Variants in ATG7 observed in about 807,000 individuals in gnomAD.
ATG7 encodes the protein ubiquitin-like modifier-activating enzyme ATG7.
In ATG7, 70 loss-of-function variants were observed where a neutral mutation model predicts 82.4. The observed-to-expected ratio is 0.85, with a 90% CI of 0.70 to 1.04. The LOEUF (loss-of-function observed/expected upper bound fraction) is 1.04. Ranked by LOEUF, ATG7 falls within the 50% of genes least tolerant of loss-of-function variation. The pLI is 0.00. For missense variants in ATG7, 792 were observed against 864.3 expected (o/e 0.92, Z 1.05); for synonymous variants, 287 against 313.0 (o/e 0.92, Z 0.88).
intron 20 of ATG7, chr3:11,488,508 G>A (rs575764017): frequency 1.8e-5 from 22 of 1,230,616 alleles, no homozygotes; most frequent in South Asian, 2.2e-5. Flanking sequence ...TCAGCGCCGC[G>A]ACTGTCCCGG....
chr3:11,360,581 C>T lies in ATG7; in HGVS notation c.1480C>T (p.Leu494=). ...CTCTTTCATTCCTTGAAACCTGCAG[C>T]TGGTCATCAATGCTGCTTTGGGATT... ...PAVIAASKRK[L]VINAALGFDT... Residue 494 remains leucine, a splice_region_variant and synonymous_variant, in exon 16 of 21, where the codon CTG becomes TTG. Coordinates refer to ENST00000693202, the MANE Select transcript of ATG7 (RefSeq NM_001349232.2). The T allele has an allele frequency of 6.2e-7, 1 of 1,612,434 alleles. No homozygotes were observed. The highest frequency in any genetic ancestry group is 8.5e-7 in the Non-Finnish European group (1 of 1,179,192).
chr3:11,497,599 AT>A (rs1263876055), intron 20 of ATG7, among the ~76,000 whole-genome samples: 2 of 148,916 alleles, frequency 1.3e-5, no homozygotes, highest in Non-Finnish European at 3.0e-5. Flanking sequence ...TCTTTACCCT[AT>A]CTCACTTGGA....
chr3:11,299,442 G>T, intron 5 of ATG7, 26 bp downstream of exon 5: 1 of 1,585,548 alleles, frequency 6.3e-7, no homozygotes. Context: ...TTCAAAATCT[G>T]AAGTAAAGAA....
chr3:11,448,297 T>C (rs1309780219), intron 20 of ATG7, among the ~76,000 whole-genome samples: 1 of 152,204 alleles, frequency 6.6e-6, no homozygotes, highest in Non-Finnish European at 1.5e-5. Context: ...CTTTTCCTCC[T>C]TCCAGGCTCC....
chr3:11,390,495 A>G (rs1422297358), intron 19 of ATG7, among the ~76,000 whole-genome samples: 2 of 152,240 alleles, frequency 1.3e-5, no homozygotes, highest in Non-Finnish European at 2.9e-5. Flanking sequence ...ACTCAGCAGA[A>G]GGACTGCAGT....
rs538582397 is a variant in ATG7 at position 11,540,512 on chromosome 3, G to A, written c.2080-14299G>A. Among the ~76,000 whole-genome samples, 15 of 152,120 alleles carry A rather than the reference G, an allele frequency of 9.9e-5. 1 individual carries two copies. Among genetic ancestry groups the A allele is most frequent in the East Asian group, 5.8e-4 (3 of 5,170 alleles). On this transcript the variant is annotated intron_variant, in intron 20 of 20. Coordinates refer to ENST00000693202, the MANE Select transcript of ATG7 (RefSeq NM_001349232.2). ...ATAAATTCACTGGGCATGGTGGTGC[G>A]CACCTGTGGTCCCAGCTACTCAGGA...
intron 18 of ATG7, among the ~76,000 whole-genome samples, chr3:11,367,778 GTC>G (rs1459940211): frequency 2.8e-5 from 4 of 142,480 alleles, no homozygotes; most frequent in Non-Finnish European, 6.1e-5. Context: ...TTTTTTTTAA[GTC>G]TCTGGCCCAA....
intron 3 of ATG7, among the ~76,000 whole-genome samples, chr3:11,284,849 C>CT (rs34240225): frequency 0.22 from 24,502 of 113,696 alleles, 2,560 homozygotes; most frequent in Middle Eastern, 0.35. Context: ...TGTGCCTGGC[C>CT]TTTTTTTTTT....
Position 11,380,072 on chromosome 3 carries a change from A to G in ATG7, c.1956+20A>G. ...TCCAAAGTAAGTCATTTTGTATTGGAGGGACTTGTTTTTAAAAGTGAGCGG... is the reference window on the plus strand; with the variant it reads ...TCCAAAGTAAGTCATTTTGTATTGGGGGGACTTGTTTTTAAAAGTGAGCGG... On this transcript the variant is annotated intron_variant, in intron 19 of 20. Transcript: ENST00000693202. 5.0e-6 allele frequency: 8 copies of G among 1,609,820 alleles called. No homozygotes were observed. The highest frequency in any genetic ancestry group is 4.5e-5 in the East Asian group (2 of 44,870).
At chr3:11,507,098 A>G (rs1344119531) in intron 20 of ATG7, among the ~76,000 whole-genome samples, 2 of 152,132 alleles carry the variant, frequency 1.3e-5, no homozygotes, top group East Asian at 1.9e-4. Flanking sequence ...CAGGCCCAAC[A>G]TAGTGAAACC....
At chr3:11,478,419 C>T (rs1026621896) in intron 20 of ATG7, among the ~76,000 whole-genome samples, 8 of 152,122 alleles carry the variant, frequency 5.3e-5, no homozygotes, top group Non-Finnish European at 1.2e-4. Flanking sequence ...GGACAAGGTC[C>T]TGAAGAGATG....
At chr3:11,338,914 T>C (rs1482921185) in intron 11 of ATG7, among the ~76,000 whole-genome samples, 1 of 152,140 alleles carries the variant, frequency 6.6e-6, no homozygotes, top group Non-Finnish European at 1.5e-5. Flanking sequence ...CAATACTATT[T>C]TTTTAAATGT....
intron 3 of ATG7, among the ~76,000 whole-genome samples, chr3:11,285,094 C>T (rs1943748873): frequency 6.7e-6 from 1 of 150,042 alleles, no homozygotes; most frequent in Non-Finnish European, 1.5e-5. Context: ...TCATGATTTG[C>T]CCACCTCGGC....
intron 20 of ATG7, among the ~76,000 whole-genome samples, chr3:11,459,163 G>A (rs1387386334): frequency 2.5e-5 from 3 of 119,564 alleles, no homozygotes; most frequent in African/African-American, 3.3e-5. Context: ...GTGAGGAGGG[G>A]GAGTCACTTT....
chr3:11,523,254 G>A (rs2092487770), intron 20 of ATG7, among the ~76,000 whole-genome samples: 1 of 152,128 alleles, frequency 6.6e-6, no homozygotes, highest in African/African-American at 2.4e-5. Context: ...TCTTGGGCGG[G>A]GCAGCGGGGG....
chr3:11,279,833 AT>A (rs1942687439), intron 1 of ATG7, among the ~76,000 whole-genome samples: 1 of 152,102 alleles, frequency 6.6e-6, no homozygotes, highest in African/African-American at 2.4e-5. Context: ...ACGCCAGGCT[AT>A]ACTGTATTTG....
chr3:11,383,412 T>C (rs1189383636), intron 19 of ATG7, among the ~76,000 whole-genome samples: 2 of 152,206 alleles, frequency 1.3e-5, no homozygotes, highest in Admixed American at 1.3e-4. Flanking sequence ...TGTCTCCTCA[T>C]GTCAGGAGTT....
chr3:11,298,663 T>C (rs1435379202), intron 3 of ATG7, 23 bp from the exon 4 acceptor site: 1 of 1,600,794 alleles, frequency 6.2e-7, no homozygotes, highest in Non-Finnish European at 8.5e-7. Flanking sequence ...TATTTTGCTG[T>C]GTTCTGTTTT....
intron 20 of ATG7, among the ~76,000 whole-genome samples, chr3:11,467,367 C>T (rs2086934391): frequency 6.6e-6 from 1 of 152,086 alleles, no homozygotes; most frequent in South Asian, 2.1e-4. Context: ...TTACCTCAAC[C>T]GTAATTTGTT....
Sources: allele counts gnomAD v4.1 joint callset (sites outside exome capture counted in the v4.1 genomes callset), GRCh38; gene constraint gnomAD v4.1.1; transcripts MANE v1.5; gene names NCBI Gene and HGNC (gene_info 2026-07-23, HGNC 2026-07-21).